Variants in CAPN7 observed in about 807,000 individuals in gnomAD.
The protein encoded by CAPN7 is calpain 7, also known as calpain-7.
CAPN7 carries 72 observed loss-of-function variants against 115.2 expected under a neutral mutation model. The ratio of observed to expected loss-of-function variants is 0.63; its 90% CI spans 0.52 to 0.76. The LOEUF is 0.76. Among genes scored for constraint, CAPN7 ranks in the 30% least tolerant of loss-of-function variants. The probability of loss-of-function intolerance (pLI) is 0.00; values close to 1 mark genes in which losing one functional copy is unlikely to be tolerated. For missense variants in CAPN7, 905 were observed against 971.5 expected, an observed-to-expected ratio of 0.93 and a Z score of 0.91; for synonymous variants, 344 against 322.3, an observed-to-expected ratio of 1.07 and a Z score of -0.72.
chr3:15,240,586 T>C lies in CAPN7; in HGVS notation c.1521T>C (p.Phe507=). ...CAGAGTTGCAAAAGTATTTAAACTT[T>C]GATCCCCGAACAGCTCAGAAAATAG... The part of the protein sequence containing the change: ...WTPELQKYLN[F]DPRTAQKIDN... The change falls in exon 13 of 21, where the codon TTT becomes TTC. Residue 507 remains phenylalanine (F), a synonymous_variant. Transcript: ENST00000253693. 6.2e-7 allele frequency: 1 copy of C among 1,612,104 alleles called. No individual in the cohort carries two copies.
chr3:15,239,253 A>C (rs1367107251), intron 12 of CAPN7, among the ~76,000 whole-genome samples: 1 of 152,214 alleles, frequency 6.6e-6, no homozygotes, highest in Non-Finnish European at 1.5e-5. Flanking sequence ...TTAAAATAGC[A>C]AAGGAATGTG....
intron 2 of CAPN7, among the ~76,000 whole-genome samples, chr3:15,213,709 T>C (rs1004969894): frequency 6.6e-6 from 1 of 152,186 alleles, no homozygotes; most frequent in Non-Finnish European, 1.5e-5. Context: ...CTAAGGAATT[T>C]TAAAAATTAT....
intron 6 of CAPN7, among the ~76,000 whole-genome samples, chr3:15,224,533 G>A (rs545217671): frequency 7.0e-4 from 107 of 151,800 alleles, no homozygotes; most frequent in South Asian, 1.7e-3. Flanking sequence ...TCAGCCTCCC[G>A]AAGTGCTGGG....
At chr3:15,232,135 A>G in intron 9 of CAPN7, 1 of 403,426 alleles carries the variant, frequency 2.5e-6, no homozygotes, top group Non-Finnish European at 4.8e-6. Flanking sequence ...GAACATCTCT[A>G]ATCTGAAAAT....
chr3:15,225,362 A>G (rs1403411602), intron 6 of CAPN7, among the ~76,000 whole-genome samples: 1 of 152,240 alleles, frequency 6.6e-6, no homozygotes, highest in Non-Finnish European at 1.5e-5. Flanking sequence ...TGTGAAAATG[A>G]ATCAGTTATT....
chr3:15,227,740 A>G, intron 6 of CAPN7, 99 bp from the exon 7 acceptor site: 1 of 694,270 alleles, frequency 1.4e-6, no homozygotes. Context: ...TACTGCTATA[A>G]TCACTAGACC....
At position 15,246,743 on chromosome 3, in the gene CAPN7, A is replaced by G; in HGVS notation, c.2022A>G (p.Ala674=). Residue 674 remains alanine (A), a synonymous_variant, in exon 18 of 21, where the codon GCA becomes GCG. Transcript: ENST00000253693. ...TIHYTVRVYS[A]CSFTFSKIPS... is the part of the protein sequence containing the mutation. ...TTTTTTAAATCTAGGTATATTCAGC[A>G]TGCAGCTTTACTTTTTCAAAGATTC... The G allele has an allele frequency of 6.2e-7, 1 of 1,604,360 alleles. No individual in the cohort carries two copies. The highest frequency in any genetic ancestry group is 8.5e-7 in the Non-Finnish European group (1 of 1,172,524).
intron 1 of CAPN7, among the ~76,000 whole-genome samples, chr3:15,209,535 A>G (rs1033937313): frequency 2.0e-5 from 3 of 152,212 alleles, no homozygotes; most frequent in African/African-American, 7.2e-5. Context: ...TGTACAATCA[A>G]ATATTATAAA....
rs59838740 is a variant in CAPN7 at position 15,238,849 on chromosome 3, ATTTTTT to A, written c.1408-1605_1408-1600del. Among the ~76,000 whole-genome samples the A allele has an allele frequency of 3.1e-3, 353 of 113,996 alleles. 2 individuals are homozygous for A. The highest frequency in any genetic ancestry group is 0.013 in the East Asian group (53 of 4,010). The allele number at this position is 113,996 out of a possible 152,430, so 74.8% of individuals were successfully genotyped here. ...AAATTGGATGCTTCAGCAAAATCAA[ATTTTTT>A]TTTTTTTTTTTTTTTTTTGTTCTCT... On this transcript the variant is annotated intron_variant, in intron 12 of 20. Transcript: ENST00000253693.
At chr3:15,246,954 G>A (rs1695699736) in intron 18 of CAPN7, among the ~76,000 whole-genome samples, 160 bp downstream of exon 18, 2 of 152,220 alleles carry the variant, frequency 1.3e-5, no homozygotes, top group African/African-American at 4.8e-5. Flanking sequence ...AAGATCTTCA[G>A]TGAGCAACAT....
At chr3:15,236,794 T>C (rs1191816042) in intron 12 of CAPN7, among the ~76,000 whole-genome samples, 2 of 152,098 alleles carry the variant, frequency 1.3e-5, no homozygotes, top group Non-Finnish European at 2.9e-5. Context: ...ACAGTAAAAA[T>C]ACAGTATAAA....
Position 15,227,905 on chromosome 3 carries a change from A to G in CAPN7, c.792A>G (p.Pro264=), listed in dbSNP as rs2124943782. The G allele has an allele frequency of 6.4e-7, 1 of 1,551,960 alleles. No individual in the cohort carries two copies. Among genetic ancestry groups the G allele is most frequent in the Non-Finnish European group, 8.7e-7 (1 of 1,147,390 alleles). The change falls in exon 7 of 21, where the codon CCA becomes CCG. Residue 264 remains proline, a synonymous_variant. Transcript: ENST00000253693. The part of the protein sequence containing the change: ...QKTTFSKWVR[P]EDLTNNPTMI... ...CTACATTTTCCAAGTGGGTACGACC[A>G]GAAGACCTCACCAACAATCCTACAA...
chr3:15,241,846 G>A (rs934306448), intron 15 of CAPN7, among the ~76,000 whole-genome samples: 16 of 152,230 alleles, frequency 1.1e-4, no homozygotes, highest in Admixed American at 6.5e-4. Flanking sequence ...GGGGTTGATC[G>A]TGTATAGTTT....
rs538916968 is a variant in CAPN7 at position 15,212,032 on chromosome 3, A to C, written c.103-72A>C. 8.7e-5 allele frequency: 66 copies of C among 761,490 alleles called. No homozygotes were observed. The East Asian group carries it at 1.9e-3, about 21-fold the overall frequency. 47.2% of individuals were successfully genotyped at this position (761,490 alleles called of 1,614,324 possible). A position where few individuals can be genotyped will look rare whatever the true frequency, so the allele number is the denominator to read the frequency against. ...TTGTCATTCATGGAAACCAATATTG[A>C]ATGAGAATGTGATAAAGAAAATTCA... On this transcript the variant is annotated intron_variant, in intron 1 of 20. Transcript: ENST00000253693.
rs1694759483 is a variant in CAPN7, at chr3:15,232,642, T to C, written c.1156T>C (p.Tyr386His). The change falls in exon 10 of 21, where the codon TAT (tyrosine) becomes CAT (histidine). Residue 386 changes from tyrosine to histidine, a missense_variant. Transcript: ENST00000253693. ...AGCATACATGAAAGTCATGGGAGGATATGATTTTCCAGGATCCAACTCCGT... is the reference window on the plus strand; with the variant it reads ...AGCATACATGAAAGTCATGGGAGGACATGATTTTCCAGGATCCAACTCCGT... Reference protein sequence around the residue: ...EKAYMKVMGGYDFPGSNSNID... With the variant: ...EKAYMKVMGGHDFPGSNSNID... 1.2e-6 allele frequency: 2 copies of C among 1,609,128 alleles called. No individual in the cohort carries two copies. The highest frequency in any genetic ancestry group is 1.7e-6 in the Non-Finnish European group (2 of 1,178,254).
chr3:15,240,822 G>A lies in CAPN7; in HGVS notation c.1621G>A (p.Gly541Ser), dbSNP rs1190048224. Reference protein sequence around the residue: ...YDVIYLSWNPGLFKESTCIHS... With the variant: ...YDVIYLSWNPSLFKESTCIHS... Reference sequence around the variant, plus strand: ...TGTGATTTATTTGAGTTGGAATCCAGGTCTTTTTAAAGAATCAACATGTAT... The same window carrying A: ...TGTGATTTATTTGAGTTGGAATCCAAGTCTTTTTAAAGAATCAACATGTAT... Residue 541 changes from glycine to serine, a missense_variant, in exon 14 of 21, where the codon GGT becomes AGT. By Grantham distance (56) the Gly-to-Ser change is moderately conservative. Around this residue, in one of 3 missense-constraint regions of CAPN7, gnomAD observed 620 missense variants for 703.4 expected, o/e 0.88. Transcript: ENST00000253693. 7 of 1,612,242 alleles carry A rather than the reference G, an allele frequency of 4.3e-6. No individual in the cohort carries two copies. In the African/African-American group the frequency reaches 9.3e-5, roughly 22 times the overall value.
chr3:15,235,812 C>T (rs901390914), intron 12 of CAPN7, among the ~76,000 whole-genome samples: 4 of 152,058 alleles, frequency 2.6e-5, no homozygotes, highest in Non-Finnish European at 4.4e-5. Flanking sequence ...GTCTGTGGCC[C>T]GGGGGTTGGG....
rs1056051226 is a variant in CAPN7, at chr3:15,206,380, T to C, written c.-116T>C. On this transcript the variant is annotated 5_prime_UTR_variant, in exon 1 of 21. Coordinates refer to ENST00000253693, the MANE Select transcript of CAPN7 (RefSeq NM_014296.3). Reference sequence around the variant, plus strand: ...TCTCCTCCACCGTCCAAAGTAAACTTTGCCGCTCCTTCCGCGGCGCTCCCG... The same window carrying C: ...TCTCCTCCACCGTCCAAAGTAAACTCTGCCGCTCCTTCCGCGGCGCTCCCG... 2 of 721,070 alleles carry C rather than the reference T, an allele frequency of 2.8e-6. No homozygotes were observed. The highest frequency in any genetic ancestry group is 2.3e-6 in the Non-Finnish European group (1 of 434,292). 44.7% of individuals were successfully genotyped at this position (721,070 alleles called of 1,614,324 possible).
intron 12 of CAPN7, among the ~76,000 whole-genome samples, chr3:15,237,585 TAAAGC>T (rs1369037165): frequency 1.3e-5 from 2 of 152,152 alleles, no homozygotes; most frequent in Non-Finnish European, 2.9e-5. Context: ...ATTGCCCACT[TAAAGC>T]AAAAAATATA....
Sources: allele counts gnomAD v4.1 joint callset (sites outside exome capture counted in the v4.1 genomes callset), GRCh38; gene constraint gnomAD v4.1.1; regional missense constraint gnomAD v4.1.1; transcripts MANE v1.5; gene names NCBI Gene and HGNC (gene_info 2026-07-23, HGNC 2026-07-21).